Variants in DMD observed in about 807,000 individuals in gnomAD.
DMD encodes mutant dystrophin.
A neutral mutation model predicts 330.1 loss-of-function variants in DMD; 63 were observed. The observed-to-expected ratio is 0.19, with a 90% CI of 0.16 to 0.24. DMD has a LOEUF of 0.24. DMD is among the 10% of genes least tolerant of loss of function. The pLI is 1.00. For synonymous variants in DMD, 1,223 were observed against 959.8 expected (o/e 1.27, Z -5.07); for missense variants, 3,344 against 2,684.1 (o/e 1.25, Z -5.43).
intron 45 of DMD, among the ~76,000 whole-genome samples, chrX:31,952,431 C>G (rs1177924250): frequency 1.0e-5 from 1 of 100,257 alleles, no homozygotes; most frequent in East Asian, 3.1e-4. Flanking sequence ...TTTTATTTAT[C>G]TATTTTCAAA....
chrX:33,237,258 T>C (rs757990328), intron 1 of DMD, among the ~76,000 whole-genome samples: 1 of 102,412 alleles, frequency 9.8e-6, no homozygotes, highest in East Asian at 3.1e-4. Context: ...CTCTTTTTTT[T>C]TTGAAATGGA....
chrX:32,092,946 A>T, intron 44 of DMD, among the ~76,000 whole-genome samples: 1 of 109,701 alleles, frequency 9.1e-6, no homozygotes, highest in East Asian at 2.9e-4. Flanking sequence ...ACACTCATTC[A>T]TTGTTTCTAT....
intron 1 of DMD, among the ~76,000 whole-genome samples, chrX:33,070,663 CTCTCTCTCTCTATA>C (rs1483281054): frequency 2.2e-5 from 1 of 45,088 alleles, no homozygotes; most frequent in Non-Finnish European, 3.8e-5. Context: ...CTCTCTCTCT[CTCTCTCTCTCTATA>C]TATATATATA....
intron 60 of DMD, among the ~76,000 whole-genome samples, chrX:31,428,946 C>T (rs755795893): frequency 1.1e-3 from 124 of 110,266 alleles, no homozygotes; most frequent in South Asian, 7.9e-4. Flanking sequence ...ATGGTGAAAC[C>T]CCGTCTCTAC....
chrX:32,613,501 A>G (rs960931307), intron 12 of DMD, among the ~76,000 whole-genome samples: 1 of 111,235 alleles, frequency 9.0e-6, no homozygotes, highest in South Asian at 3.7e-4. Flanking sequence ...TAAACTGAAG[A>G]AAAAAGATGG....
At chrX:33,010,541 C>T (rs1414293720) in intron 2 of DMD, among the ~76,000 whole-genome samples, 1 of 110,063 alleles carries the variant, frequency 9.1e-6, no homozygotes, top group Non-Finnish European at 1.9e-5. Context: ...AGATGCTCAG[C>T]CAGTAAGTAT....
At chrX:32,057,166 A>C (rs1412217072) in intron 44 of DMD, among the ~76,000 whole-genome samples, 1 of 111,836 alleles carries the variant, frequency 8.9e-6, no homozygotes, top group African/African-American at 3.2e-5. Context: ...TATCACATTT[A>C]ATGGCAAAAG....
chrX:32,231,560 A>G (rs1289344687), intron 43 of DMD, among the ~76,000 whole-genome samples: 1 of 112,051 alleles, frequency 8.9e-6, no homozygotes, highest in Non-Finnish European at 1.9e-5. Context: ...GCATGAGACC[A>G]CACTTACAAA....
At chrX:31,712,213 C>T (rs756870967) in intron 52 of DMD, among the ~76,000 whole-genome samples, 1 of 111,838 alleles carries the variant, frequency 8.9e-6, no homozygotes, top group African/African-American at 3.2e-5. Context: ...GGTCCAATCA[C>T]GACATTTTGA....
Position 31,729,639 on chromosome X carries a change from G to C in DMD, c.7652C>G (p.Thr2551Arg), listed in dbSNP as rs778691311. ...TSNQEARTII[T>R]DRIERIQNQW... is the part of the protein sequence containing the mutation. ...CTTGTTAAAAAACTTACTTCGATCC[G>C]TAATGATTGTTCTAGCCTCTTGATT... The change falls in exon 52 of 79, where the codon ACG becomes AGG. Residue 2551 changes from threonine to arginine, a missense_variant. Coordinates refer to ENST00000357033, the MANE Select transcript of DMD (RefSeq NM_004006.3). 2 of 1,206,258 alleles carry C rather than the reference G, an allele frequency of 1.7e-6. No individual in the cohort carries two copies. The highest frequency in any genetic ancestry group is 1.8e-5 in the African/African-American group (1 of 57,046).
chrX:32,351,971 A>G (rs984998004), intron 37 of DMD, among the ~76,000 whole-genome samples: 14 of 111,001 alleles, frequency 1.3e-4, no homozygotes, highest in African/African-American at 4.2e-4. Context: ...AAATTTTCCA[A>G]TGAAAGACTA....
intron 44 of DMD, among the ~76,000 whole-genome samples, chrX:32,029,590 G>A (rs2095870101): frequency 9.0e-6 from 1 of 111,547 alleles, no homozygotes; most frequent in Non-Finnish European, 1.9e-5. Flanking sequence ...TTGAACTTAA[G>A]GTAGCATTAA....
chrX:32,235,415 C>A (rs1446878496), intron 43 of DMD, among the ~76,000 whole-genome samples: 1 of 111,492 alleles, frequency 9.0e-6, no homozygotes, highest in African/African-American at 3.3e-5. Flanking sequence ...CCTTCCCTAG[C>A]CCGCTGCTGC....
intron 18 of DMD, among the ~76,000 whole-genome samples, chrX:32,515,528 T>C (rs2045771158): frequency 9.0e-6 from 1 of 111,357 alleles, no homozygotes; most frequent in Non-Finnish European, 1.9e-5. Flanking sequence ...TCAAATCCCC[T>C]TGTGATCAAA....
intron 7 of DMD, among the ~76,000 whole-genome samples, chrX:32,765,163 C>T (rs976231046): frequency 5.5e-5 from 6 of 108,603 alleles, no homozygotes; most frequent in East Asian, 2.8e-4. Context: ...TTGAATTCTA[C>T]GATGATATAA....
At chrX:32,478,027 T>G (rs749925936) in intron 21 of DMD, among the ~76,000 whole-genome samples, 51 of 112,279 alleles carry the variant, frequency 4.5e-4, no homozygotes, top group African/African-American at 1.6e-3. Context: ...CCTGTTGATC[T>G]GTTAATGTGG....
intron 44 of DMD, among the ~76,000 whole-genome samples, chrX:32,198,539 G>A (rs2097017527): frequency 8.9e-6 from 1 of 111,950 alleles, no homozygotes; most frequent in East Asian, 2.8e-4. Flanking sequence ...CCCAAAGGCT[G>A]TAGGGTATCA....
chrX:31,425,723 A>C (rs1216631355), intron 60 of DMD, among the ~76,000 whole-genome samples: 3 of 71,755 alleles, frequency 4.2e-5, no homozygotes, highest in Non-Finnish European at 6.8e-5. Flanking sequence ...CACACAATAC[A>C]GTTATCCTTG....
At chrX:32,303,370 C>T (rs545496682) in intron 42 of DMD, among the ~76,000 whole-genome samples, 1 of 110,632 alleles carries the variant, frequency 9.0e-6, no homozygotes, top group Non-Finnish European at 1.9e-5. Context: ...GTTCTAGATA[C>T]AGTGGTGGAG....
Sources: gnomAD v4.1 joint callset for allele counts (sites outside exome capture counted in the v4.1 genomes callset) on GRCh38, gnomAD v4.1.1 for gene constraint, MANE v1.5 for transcripts, NCBI Gene and HGNC (gene_info 2026-07-23, HGNC 2026-07-21) for gene names.